The following SLC35F4 variants were observed in gnomAD, a reference collection of about 807,000 sequenced individuals.
SLC35F4 encodes the protein chromosome 14 open reading frame 36.
A neutral mutation model predicts 44.2 loss-of-function variants in SLC35F4; 24 were observed. The observed-to-expected ratio is 0.54, with a 90% CI of 0.39 to 0.76. The LOEUF is 0.76. SLC35F4 is among the 30% of genes least tolerant of loss of function. SLC35F4 has a pLI of 0.00. For missense variants in SLC35F4, 562 were observed against 586.1 expected (o/e 0.96, Z 0.42); for synonymous variants, 238 against 223.6 (o/e 1.06, Z -0.57).
intron 1 of SLC35F4, among the ~76,000 whole-genome samples, chr14:57,865,453 G>A (rs1211872806): frequency 2.0e-5 from 3 of 152,156 alleles, no homozygotes; most frequent in Non-Finnish European, 4.4e-5. Flanking sequence ...CGCTCACCAG[G>A]TCCCCTCCGC....
chr14:57,865,758 T>C lies in SLC35F4; in HGVS notation c.68A>G (p.Tyr23Cys), dbSNP rs1490727333. The change falls in exon 1 of 8, where the codon TAC becomes TGC. Residue 23 changes from tyrosine to cysteine, a missense_variant. Physicochemically the swap from Tyr to Cys is radical, Grantham distance 194 (BLOSUM62 -2). Transcript: ENST00000556826. ...IEDRILRITG[Y>C]YGYYPGYSSQ... ...GGAGTAACCTGGATAATAGCCATAG[T>C]AGCCGGTGATCCGCAGGATCCGGTC... 3.9e-6 allele frequency: 6 copies of C among 1,523,546 alleles called. No homozygotes were observed. The highest frequency in any genetic ancestry group is 1.4e-5 in the African/African-American group (1 of 71,548). 94.4% of individuals were successfully genotyped at this position (1,523,546 alleles called of 1,614,324 possible).
chr14:57,976,449 G>A (rs10135394), downstream of SLC35F4, among the ~76,000 whole-genome samples: 54,551 of 152,094 alleles, frequency 0.36, 10,375 homozygotes, highest in African/African-American at 0.5. Flanking sequence ...GTAACAGGAA[G>A]AGTTAGGTGG....
intron 1 of SLC35F4, among the ~76,000 whole-genome samples, chr14:57,672,336 C>T (rs1490101106): frequency 6.6e-6 from 1 of 151,974 alleles, no homozygotes; most frequent in African/African-American, 2.4e-5. Context: ...GCATTGACAC[C>T]CAGATTTAAA....
At chr14:57,613,554 A>G (rs2071633114) in intron 1 of SLC35F4, among the ~76,000 whole-genome samples, 1 of 152,218 alleles carries the variant, frequency 6.6e-6, no homozygotes, top group African/African-American at 2.4e-5. Context: ...AGCATTCTCT[A>G]AGAGGTATTT....
chr14:57,973,656 C>T (rs1881120586), downstream of SLC35F4, among the ~76,000 whole-genome samples: 1 of 152,074 alleles, frequency 6.6e-6, no homozygotes, highest in African/African-American at 2.4e-5. Context: ...TTAATTTAGG[C>T]TCTTTTGGTT....
chr14:57,670,308 G>A (rs1371567424), intron 1 of SLC35F4, among the ~76,000 whole-genome samples: 2 of 151,920 alleles, frequency 1.3e-5, no homozygotes, highest in Non-Finnish European at 2.9e-5. Context: ...TTTTTTGAAG[G>A]GTTTTTTGTG....
chr14:57,641,030 C>T (rs1254725653), intron 1 of SLC35F4, among the ~76,000 whole-genome samples: 1 of 151,896 alleles, frequency 6.6e-6, no homozygotes, highest in Admixed American at 6.6e-5. Flanking sequence ...ATTCATTTTT[C>T]TTGCCAGAAA....
At chr14:57,689,679 T>A (rs943731220) in intron 1 of SLC35F4, among the ~76,000 whole-genome samples, 51 of 147,802 alleles carry the variant, frequency 3.5e-4, no homozygotes, top group Non-Finnish European at 3.7e-4. Flanking sequence ...TTGGTGGGAA[T>A]TGAACAATGA....
At chr14:57,618,082 C>T (rs551392314) in intron 1 of SLC35F4, among the ~76,000 whole-genome samples, 423 of 152,134 alleles carry the variant, frequency 2.8e-3, no homozygotes, top group Non-Finnish European at 5.1e-3. Flanking sequence ...TCCAAGAGAA[C>T]GTCTTAAAAC....
chr14:57,884,158 C>G (rs1221514794), intron 1 of SLC35F4, among the ~76,000 whole-genome samples: 1 of 152,146 alleles, frequency 6.6e-6, no homozygotes, highest in Admixed American at 6.5e-5. Flanking sequence ...ATTCTGAATG[C>G]TTTTGTGTCA....
At chr14:57,656,275 G>A (rs2073965183) in intron 1 of SLC35F4, among the ~76,000 whole-genome samples, 1 of 150,944 alleles carries the variant, frequency 6.6e-6, no homozygotes, top group Non-Finnish European at 1.5e-5. Context: ...TGGCTCCTAT[G>A]AGAAAGGAGC....
chr14:57,692,452 C>T (rs935164778), intron 1 of SLC35F4, among the ~76,000 whole-genome samples: 2 of 151,946 alleles, frequency 1.3e-5, no homozygotes, highest in Non-Finnish European at 2.9e-5. Flanking sequence ...CAGTTTATCA[C>T]TTATTGTTTG....
At chr14:57,600,304 C>A (rs898180915) in intron 1 of SLC35F4, among the ~76,000 whole-genome samples, 3 of 152,132 alleles carry the variant, frequency 2.0e-5, no homozygotes, top group Non-Finnish European at 2.9e-5. Flanking sequence ...TAAAGAAATG[C>A]TGAAGACAGA....
chr14:57,729,362 G>A (rs1221490356), intron 1 of SLC35F4, among the ~76,000 whole-genome samples: 2 of 152,192 alleles, frequency 1.3e-5, no homozygotes, highest in African/African-American at 2.4e-5. Context: ...AACCCCTGGA[G>A]CCAGCATGTC....
intron 1 of SLC35F4, among the ~76,000 whole-genome samples, chr14:57,798,121 CAAAAAAAAAAAA>C (rs60685029): frequency 4.8e-5 from 2 of 42,068 alleles, no homozygotes; most frequent in South Asian, 1.0e-3. Context: ...GACCCACGAG[CAAAAAAAAAAAA>C]AAAAAAAAAA....
intron 1 of SLC35F4, among the ~76,000 whole-genome samples, chr14:57,955,789 G>C (rs1890226676): frequency 6.6e-6 from 1 of 152,138 alleles, no homozygotes; most frequent in Non-Finnish European, 1.5e-5. Flanking sequence ...TGAAATAAGA[G>C]AGGACACAAA....
intron 1 of SLC35F4, among the ~76,000 whole-genome samples, chr14:57,689,528 C>T (rs567147460): frequency 2.4e-4 from 37 of 152,066 alleles, no homozygotes; most frequent in Non-Finnish European, 5.0e-4. Flanking sequence ...ACCCTAGAAG[C>T]CATTTTCTAT....
At chr14:57,899,821 T>TGGACC (rs1888961722) in intron 1 of SLC35F4, among the ~76,000 whole-genome samples, 1 of 152,106 alleles carries the variant, frequency 6.6e-6, no homozygotes, top group South Asian at 2.1e-4. Flanking sequence ...AATGAAGCCG[T>TGGACC]GGACCTTTGC....
chr14:57,867,457 C>T (rs887799483), upstream of SLC35F4, among the ~76,000 whole-genome samples: 6 of 151,992 alleles, frequency 3.9e-5, no homozygotes, highest in African/African-American at 1.5e-4. Flanking sequence ...AAACCAATTT[C>T]CTCCTACACC....
Sources: gnomAD v4.1 joint callset for allele counts (sites outside exome capture counted in the v4.1 genomes callset) on GRCh38, gnomAD v4.1.1 for gene constraint, MANE v1.5 for transcripts, NCBI Gene and HGNC (gene_info 2026-07-23, HGNC 2026-07-21) for gene names.